The following DOCK10 variants were observed in gnomAD, a reference collection of about 807,000 sequenced individuals.
DOCK10 encodes dedicator of cytokinesis 10.
A neutral mutation model predicts 280.1 loss-of-function variants in DOCK10; 145 were observed. That is an observed-to-expected ratio of 0.52 (90% CI 0.45 to 0.59). The LOEUF is 0.59. Ranked by LOEUF, DOCK10 falls within the 20% of genes least tolerant of loss-of-function variation. The pLI, the probability that DOCK10 is intolerant of heterozygous loss-of-function variation, is 0.00. For missense variants in DOCK10, 2,368 were observed against 2,651.7 expected, an observed-to-expected ratio of 0.89 and a Z score of 2.35; for synonymous variants, 915 against 942.2, an observed-to-expected ratio of 0.97 and a Z score of 0.53.
chr2:224,939,632 C>T (rs567511804), intron 1 of DOCK10, among the ~76,000 whole-genome samples: 1 of 152,244 alleles, frequency 6.6e-6, no homozygotes, highest in African/African-American at 2.4e-5. Context: ...AAATTAATGC[C>T]TTAGAGTAAA....
chr2:224,929,967 G>A (rs1399435946), intron 2 of DOCK10, among the ~76,000 whole-genome samples: 1 of 152,122 alleles, frequency 6.6e-6, no homozygotes, highest in Non-Finnish European at 1.5e-5. Context: ...CTGTGAGGCC[G>A]AGATGGGTGG....
chr2:224,810,228 T>A (rs1484744918), intron 31 of DOCK10, among the ~76,000 whole-genome samples: 3 of 152,160 alleles, frequency 2.0e-5, no homozygotes, highest in Admixed American at 1.3e-4. Flanking sequence ...CTATGCAATC[T>A]ATGCATGTAA....
At chr2:224,855,590 C>T (rs1021222283) in intron 15 of DOCK10, among the ~76,000 whole-genome samples, 6 of 152,188 alleles carry the variant, frequency 3.9e-5, no homozygotes, top group Non-Finnish European at 7.3e-5. Context: ...CCCTTCCCCA[C>T]CTGTCTCCCA....
intron 31 of DOCK10, among the ~76,000 whole-genome samples, chr2:224,811,900 A>C (rs1426578166): frequency 6.6e-6 from 1 of 152,066 alleles, no homozygotes; most frequent in Non-Finnish European, 1.5e-5. Context: ...CTTGTAGTAT[A>C]GTTTGAAGTC....
intron 3 of DOCK10, among the ~76,000 whole-genome samples, chr2:224,909,064 C>T (rs566020635): frequency 7.9e-5 from 12 of 152,346 alleles, no homozygotes; most frequent in Admixed American, 5.2e-4. Flanking sequence ...TCTTTGCTCC[C>T]TCATCTCCTT....
intron 11 of DOCK10, 102 bp from the exon 12 acceptor site, chr2:224,865,189 C>T: frequency 2.6e-6 from 3 of 1,142,680 alleles, no homozygotes; most frequent in Non-Finnish European, 3.8e-6. Flanking sequence ...AAAATACATG[C>T]AGCAGGCAAG....
At chr2:225,026,075 C>A (rs995182329) in intron 1 of DOCK10, among the ~76,000 whole-genome samples, 4 of 151,824 alleles carry the variant, frequency 2.6e-5, no homozygotes, top group Admixed American at 6.6e-5. Flanking sequence ...AAGCAGGAGC[C>A]GAACAAGAAG....
Position 224,984,840 on chromosome 2 carries a change from C to CT in DOCK10, c.124-53173dup, listed in dbSNP as rs35558535. ...TTTCTGTCATATGACACACAGGAAA[C>CT]TTTTTTTTTTTTTTTTTTTGAGGTT... On this transcript the variant is annotated intron_variant, in intron 1 of 55. Coordinates refer to ENST00000258390, the MANE Select transcript of DOCK10 (RefSeq NM_014689.3). Among the ~76,000 whole-genome samples, 393 of 99,918 alleles carry CT rather than the reference C, an allele frequency of 3.9e-3. 5 individuals carry two copies. Among genetic ancestry groups the CT allele is most frequent in the African/African-American group, 0.012 (356 of 28,832 alleles). The allele number at this position is 99,918 out of a possible 152,430, so 65.6% of individuals were successfully genotyped here. A position where few individuals can be genotyped will look rare whatever the true frequency, so the allele number is the denominator to read the frequency against.
chr2:224,844,525 G>A (rs1245195749), intron 22 of DOCK10, among the ~76,000 whole-genome samples: 1 of 152,120 alleles, frequency 6.6e-6, no homozygotes, highest in South Asian at 2.1e-4. Flanking sequence ...ACACACTTCT[G>A]GTATTTTGGT....
At chr2:224,769,065 CTTTTT>C (rs1312368540) in intron 55 of DOCK10, 1 of 385,750 alleles carries the variant, frequency 2.6e-6, no homozygotes, top group Non-Finnish European at 5.1e-6. Context: ...ATCATTTGTT[CTTTTT>C]ATTTCACTCC....
intron 1 of DOCK10, among the ~76,000 whole-genome samples, chr2:225,027,170 G>C (rs535161645): frequency 1.3e-5 from 2 of 152,228 alleles, no homozygotes; most frequent in South Asian, 4.2e-4. Flanking sequence ...TAAACAAAAT[G>C]ATGAGGCCTG....
intron 3 of DOCK10, among the ~76,000 whole-genome samples, chr2:224,913,339 A>G (rs181326166): frequency 6.6e-6 from 1 of 152,110 alleles, no homozygotes; most frequent in Non-Finnish European, 1.5e-5. Flanking sequence ...TTCCATGACT[A>G]CTAGTGAGGC....
intron 1 of DOCK10, among the ~76,000 whole-genome samples, chr2:224,937,591 A>G (rs1212894234): frequency 6.6e-6 from 1 of 152,026 alleles, no homozygotes; most frequent in Non-Finnish European, 1.5e-5. Context: ...GTACTCAAAT[A>G]AAAAAAGGAC....
At chr2:224,948,072 T>C (rs780400303) in intron 1 of DOCK10, among the ~76,000 whole-genome samples, 14 of 152,212 alleles carry the variant, frequency 9.2e-5, no homozygotes, top group Non-Finnish European at 2.1e-4. Context: ...AGTTTTTTTC[T>C]ACTAGGTGAA....
chr2:224,801,648 AG>A (rs897093365), intron 40 of DOCK10, among the ~76,000 whole-genome samples: 8 of 152,186 alleles, frequency 5.3e-5, no homozygotes, highest in Admixed American at 4.6e-4. Context: ...GTTTGACAGC[AG>A]CCCCCATAAC....
intron 1 of DOCK10, among the ~76,000 whole-genome samples, chr2:225,035,535 ATATATAT>A (rs1348316606): frequency 3.7e-5 from 3 of 80,830 alleles, no homozygotes; most frequent in Admixed American, 1.6e-4. Flanking sequence ...ATATGATATG[ATATATAT>A]TATATATATA....
chr2:224,973,829 G>A (rs1207877614), intron 1 of DOCK10, among the ~76,000 whole-genome samples: 1 of 152,100 alleles, frequency 6.6e-6, no homozygotes, highest in Non-Finnish European at 1.5e-5. Context: ...AAGTGCTTTG[G>A]CAAGTGACTC....
intron 1 of DOCK10, among the ~76,000 whole-genome samples, chr2:225,020,114 T>C (rs1159458898): frequency 2.6e-5 from 4 of 152,284 alleles, no homozygotes; most frequent in East Asian, 1.9e-4. Flanking sequence ...AAGAGTTTAA[T>C]GTTAGTTTTC....
intron 1 of DOCK10, among the ~76,000 whole-genome samples, chr2:224,996,108 C>A (rs1014943770): frequency 3.3e-5 from 5 of 152,280 alleles, no homozygotes; most frequent in Admixed American, 6.5e-5. Flanking sequence ...AGTCTCCTAC[C>A]CACTCAAGCA....
Sources: allele counts gnomAD v4.1 joint callset (sites outside exome capture counted in the v4.1 genomes callset), GRCh38; gene constraint gnomAD v4.1.1; transcripts MANE v1.5; gene names NCBI Gene and HGNC (gene_info 2026-07-23, HGNC 2026-07-21).